KDR: variants seen among roughly 807,000 people sequenced by gnomAD.
KDR encodes kinase insert domain receptor, also known as vascular endothelial growth factor receptor 2.
A neutral mutation model predicts 160.9 loss-of-function variants in KDR; 43 were observed. That is an observed-to-expected ratio of 0.27 (90% CI 0.21 to 0.34). KDR has a LOEUF of 0.34. KDR is among the 10% of genes least tolerant of loss of function. The pLI is 1.00. For missense variants in KDR, 1,469 were observed against 1,666.4 expected (o/e 0.88, Z 2.06); for synonymous variants, 617 against 600.1 (o/e 1.03, Z -0.41).
chr4:55,124,621 C>A (rs986396654), intron 1 of KDR, among the ~76,000 whole-genome samples: 91 of 152,234 alleles, frequency 6.0e-4, no homozygotes, highest in African/African-American at 2.0e-3. Context: ...TATTCCCCCC[C>A]TTCTTCGCTC....
Position 55,114,245 on chromosome 4 carries a change from C to T in KDR, c.679G>A (p.Val227Ile). Residue 227 changes from valine to isoleucine, a missense_variant, in exon 6 of 30, where the codon GTT (valine) becomes ATT (isoleucine). Coordinates refer to ENST00000263923, the MANE Select transcript of KDR (RefSeq NM_002253.4). Reference sequence around the variant, plus strand: ...TCAATTCCATGAGACGGACTCAGAACCACATCATAAATCCTATACCCTAGA... The same window carrying T: ...TCAATTCCATGAGACGGACTCAGAATCACATCATAAATCCTATACCCTAGA... ...VVVGYRIYDV[V>I]LSPSHGIELS... 6.2e-7 allele frequency: 1 copy of T among 1,613,816 alleles called. No homozygotes were observed. The highest frequency in any genetic ancestry group is 8.5e-7 in the Non-Finnish European group (1 of 1,179,846).
intron 29 of KDR, among the ~76,000 whole-genome samples, chr4:55,081,519 T>C (rs986534537): frequency 6.6e-6 from 1 of 152,212 alleles, no homozygotes; most frequent in Non-Finnish European, 1.5e-5. Flanking sequence ...CAATAATATT[T>C]AAATGTCTCA....
chr4:55,108,756 CACTT>C (rs1720503054), intron 9 of KDR, among the ~76,000 whole-genome samples: 2 of 151,672 alleles, frequency 1.3e-5, no homozygotes, highest in South Asian at 4.2e-4. Flanking sequence ...TCCCTTCTCT[CACTT>C]CCTTCTTTCT....
chr4:55,112,028 A>G (rs1386817377), intron 7 of KDR, among the ~76,000 whole-genome samples: 3 of 152,244 alleles, frequency 2.0e-5, no homozygotes, highest in East Asian at 1.9e-4. Context: ...TCCAAGGCTT[A>G]TAAGTAGGAT....
rs768199296 is a variant in KDR at position 55,102,456 on chromosome 4, A to G, written c.2040T>C (p.Ile680=). 4.3e-6 allele frequency: 7 copies of G among 1,613,748 alleles called. No homozygotes were observed. The South Asian group carries it at 5.5e-5, about 13-fold the overall frequency. Residue 680 remains isoleucine (I), a synonymous_variant, in exon 14 of 30, where the codon ATT becomes ATC. Transcript: ENST00000263923. The part of the protein sequence containing the change: ...TGNLENQTTS[I]GESIEVSCTA... ...TGCATGAGACTTCGATGCTTTCCCCAATACTTGTCGTCTGATTCTCCAGGT... is the reference window on the plus strand; with the variant it reads ...TGCATGAGACTTCGATGCTTTCCCCGATACTTGTCGTCTGATTCTCCAGGT...
chr4:55,124,160 C>A (rs139170197), intron 1 of KDR, among the ~76,000 whole-genome samples: 21 of 152,198 alleles, frequency 1.4e-4, no homozygotes, highest in Non-Finnish European at 2.6e-4. Flanking sequence ...TGAGTGTCTT[C>A]TAAGACATGT....
Position 55,118,708 on chromosome 4 carries a change from C to T in KDR, c.254G>A (p.Cys85Tyr). The T allele has an allele frequency of 6.2e-7, 1 of 1,614,096 alleles. No homozygotes were observed. The highest frequency in any genetic ancestry group is 8.5e-7 in the Non-Finnish European group (1 of 1,179,962). ...EVTECSDGLF[C>Y]KTLTIPKVIG... is the part of the protein sequence containing the mutation. ...CACTTTTGGAATTGTGAGTGTCTTA[C>T]AGAAGAGGCCATCGCTGCACTCAGT... Residue 85 changes from cysteine to tyrosine, a missense_variant, in exon 3 of 30, where the codon TGT becomes TAT. By Grantham distance (194) the Cys-to-Tyr change is radical. Coordinates refer to ENST00000263923, the MANE Select transcript of KDR (RefSeq NM_002253.4).
rs1259259717 is a variant in KDR, at chr4:55,114,902, C to T, written c.630G>A (p.Gln210=). Residue 210 remains glutamine (Q), a synonymous_variant, in exon 5 of 30, where the codon CAG becomes CAA. Transcript: ENST00000263923. ...CAACGACAACTATGTACATAATAGA[C>T]TGGTAACTTTCATCATTAATTTTTG... ...CEAKINDESY[Q]SIMYIVVVVG... The T allele has an allele frequency of 3.1e-6, 5 of 1,613,776 alleles. No individual in the cohort carries two copies. Among genetic ancestry groups the T allele is most frequent in the Non-Finnish European group, 4.2e-6 (5 of 1,179,728 alleles).
intron 27 of KDR, among the ~76,000 whole-genome samples, chr4:55,083,297 A>G (rs1719782666): frequency 6.6e-6 from 1 of 151,742 alleles, no homozygotes; most frequent in African/African-American, 2.4e-5. Flanking sequence ...CACTGACTGC[A>G]GAAACTTGAG....
At chr4:55,104,516 G>A in intron 13 of KDR, 127 bp downstream of exon 13, 1 of 761,654 alleles carries the variant, frequency 1.3e-6, no homozygotes, top group Admixed American at 2.1e-5. Context: ...GACTTTCGGT[G>A]AAGAAGTGTG....
At chr4:55,118,572 A>C (rs754090599) in intron 3 of KDR, 32 bp downstream of exon 3, 1 of 1,534,140 alleles carries the variant, frequency 6.5e-7, no homozygotes, top group East Asian at 2.2e-5. Context: ...TGGTAAAGAG[A>C]CGTGGGAAAT....
chr4:55,100,494 T>G (rs753581329), intron 15 of KDR, among the ~76,000 whole-genome samples: 1 of 152,138 alleles, frequency 6.6e-6, no homozygotes, highest in Non-Finnish European at 1.5e-5. Context: ...AACTATAATC[T>G]CTGTGCCAGT....
At chr4:55,087,853 T>C (rs2110009460) in intron 26 of KDR, 95 bp from the exon 27 acceptor site, 4 of 1,142,398 alleles carry the variant, frequency 3.5e-6, no homozygotes, top group Middle Eastern at 2.5e-4. Flanking sequence ...CTTGGCTACA[T>C]AGGGTGTGTG....
rs1386746885 is a variant in KDR, at chr4:55,090,096, T to C, written c.3070-18A>G. The C allele has an allele frequency of 6.2e-7, 1 of 1,613,838 alleles. No individual in the cohort carries two copies. Among genetic ancestry groups the C allele is most frequent in the East Asian group, 2.2e-5 (1 of 44,876 alleles). ...TGGATACACTGCAAAGAGAATCATGTGTGCATTAGGTCTCGGCACAGCTGA... is the reference window on the plus strand; with the variant it reads ...TGGATACACTGCAAAGAGAATCATGCGTGCATTAGGTCTCGGCACAGCTGA... On this transcript the variant is annotated intron_variant, in intron 22 of 29. Coordinates refer to ENST00000263923, the MANE Select transcript of KDR (RefSeq NM_002253.4).
chr4:55,106,928 C>G (rs536383116), intron 10 of KDR, 118 bp from the exon 11 acceptor site: 1 of 886,550 alleles, frequency 1.1e-6, no homozygotes. Context: ...TCCAACGCAG[C>G]CTACCATGGT....
intron 28 of KDR, 58 bp downstream of exon 28, chr4:55,082,478 T>C: frequency 7.8e-7 from 1 of 1,280,584 alleles, no homozygotes; most frequent in Non-Finnish European, 1.1e-6. Context: ...AATATTTATC[T>C]AGCTAGTGTT....
chr4:55,090,480 C>A (rs1159011552), intron 22 of KDR, among the ~76,000 whole-genome samples: 1 of 152,190 alleles, frequency 6.6e-6, no homozygotes, highest in Admixed American at 6.5e-5. Flanking sequence ...AAATCAGAAA[C>A]AAGGGGCTCT....
rs1018473775 is a variant in KDR at position 55,079,628 on chromosome 4, G to A, written c.*313C>T. ...CAGGTACTGCTACTTCTTTGAGGAT[G>A]GGGCCATTTCTTGAACGTCTTTGTT... On this transcript the variant is annotated 3_prime_UTR_variant, in exon 30 of 30. Transcript: ENST00000263923. The A allele has an allele frequency of 2.0e-5, 9 of 446,528 alleles. No homozygotes were observed. The highest frequency in any genetic ancestry group is 6.9e-5 in the Admixed American group (2 of 29,134). 27.7% of individuals were successfully genotyped at this position (446,528 alleles called of 1,614,324 possible).
At chr4:55,123,525 G>C (rs983590854) in intron 1 of KDR, among the ~76,000 whole-genome samples, 1 of 152,198 alleles carries the variant, frequency 6.6e-6, no homozygotes, top group African/African-American at 2.4e-5. Context: ...TACTATTCTA[G>C]AGACACGTTT....
Sources: gnomAD v4.1 joint callset for allele counts (sites outside exome capture counted in the v4.1 genomes callset) on GRCh38, gnomAD v4.1.1 for gene constraint, MANE v1.5 for transcripts, NCBI Gene and HGNC (gene_info 2026-07-23, HGNC 2026-07-21) for gene names.